SCAPER: variants seen among roughly 807,000 people sequenced by gnomAD.
The protein encoded by SCAPER is S-phase cyclin A associated protein in the ER.
A neutral mutation model predicts 182.2 loss-of-function variants in SCAPER; 98 were observed. The observed-to-expected ratio is 0.54, with a 90% CI of 0.46 to 0.64. The LOEUF is 0.64. Among genes scored for constraint, SCAPER ranks in the 30% least tolerant of loss-of-function variants. SCAPER has a pLI of 0.00. For synonymous variants in SCAPER, 605 were observed against 564.6 expected (o/e 1.07, Z -1.01); for missense variants, 1,432 against 1,690.0 (o/e 0.85, Z 2.68).
chr15:76,759,331 T>G (rs894263586), intron 14 of SCAPER, among the ~76,000 whole-genome samples: 8 of 152,244 alleles, frequency 5.3e-5, no homozygotes, highest in African/African-American at 1.7e-4. Context: ...AATATCAAGG[T>G]GGTGGCATCT....
At chr15:76,404,462 G>A (rs2044680297) in intron 27 of SCAPER, 62 bp downstream of exon 27, 3 of 1,512,526 alleles carry the variant, frequency 2.0e-6, no homozygotes, top group East Asian at 4.7e-5. Context: ...ACCCTAGAAT[G>A]GGCAAAATTC....
chr15:76,871,556 T>C (rs984077583), intron 2 of SCAPER, among the ~76,000 whole-genome samples: 51 of 151,084 alleles, frequency 3.4e-4, no homozygotes, highest in African/African-American at 1.2e-3. Flanking sequence ...CGGCTGGCGT[T>C]ATCTGTTACA....
At chr15:76,664,831 CATTG>C (rs1213810323) in intron 21 of SCAPER, among the ~76,000 whole-genome samples, 1 of 152,090 alleles carries the variant, frequency 6.6e-6, no homozygotes, top group African/African-American at 2.4e-5. Context: ...CTGAAGTTAT[CATTG>C]ATTATGTAAA....
At chr15:76,623,515 T>C (rs906597705) in intron 21 of SCAPER, among the ~76,000 whole-genome samples, 3 of 152,182 alleles carry the variant, frequency 2.0e-5, no homozygotes, top group Non-Finnish European at 4.4e-5. Context: ...CCTTTCTTCA[T>C]TGCTTATTTT....
chr15:76,445,497 G>A (rs2142752159), intron 25 of SCAPER, among the ~76,000 whole-genome samples: 1 of 152,312 alleles, frequency 6.6e-6, no homozygotes, highest in East Asian at 1.9e-4. Flanking sequence ...GGCAGGGAGT[G>A]TCACCTCATT....
chr15:76,828,806 T>G (rs2068218660), intron 5 of SCAPER, among the ~76,000 whole-genome samples: 1 of 152,212 alleles, frequency 6.6e-6, no homozygotes, highest in Non-Finnish European at 1.5e-5. Flanking sequence ...TCATGTTCTC[T>G]GTAACAAATT....
chr15:76,732,875 T>C (rs1598420327), intron 16 of SCAPER, among the ~76,000 whole-genome samples: 1 of 152,104 alleles, frequency 6.6e-6, no homozygotes, highest in African/African-American at 2.4e-5. Flanking sequence ...TCTCTCTCTC[T>C]CCTCTCTCTC....
intron 25 of SCAPER, among the ~76,000 whole-genome samples, chr15:76,457,046 T>C (rs1402629627): frequency 1.3e-5 from 2 of 152,006 alleles, no homozygotes. Context: ...TTCTGCCTTG[T>C]AACCGGAGGG....
At chr15:76,636,026 T>C (rs148563772) in intron 21 of SCAPER, among the ~76,000 whole-genome samples, 2 of 152,326 alleles carry the variant, frequency 1.3e-5, no homozygotes, top group African/African-American at 4.8e-5. Context: ...ATTTCTTGTG[T>C]TGTCTTTATG....
intron 25 of SCAPER, among the ~76,000 whole-genome samples, chr15:76,462,982 C>T (rs530764372): frequency 5.3e-5 from 8 of 152,120 alleles, no homozygotes; most frequent in Non-Finnish European, 8.8e-5. Flanking sequence ...CATCCCTCTC[C>T]TCTTTTGAAG....
intron 2 of SCAPER, 92 bp downstream of exon 2, chr15:76,883,720 G>T: frequency 9.5e-7 from 1 of 1,053,708 alleles, no homozygotes; most frequent in Non-Finnish European, 1.4e-6. Flanking sequence ...AGGGTATCTT[G>T]AATGAAACAA....
At chr15:76,673,914 T>C (rs1217082877) in intron 20 of SCAPER, among the ~76,000 whole-genome samples, 2 of 148,592 alleles carry the variant, frequency 1.3e-5, no homozygotes, top group African/African-American at 5.0e-5. Context: ...CTGAAACCCA[T>C]TAAAAACATT....
At chr15:76,826,501 A>G (rs1353119764) in intron 5 of SCAPER, among the ~76,000 whole-genome samples, 1 of 151,244 alleles carries the variant, frequency 6.6e-6, no homozygotes, top group African/African-American at 2.4e-5. Context: ...AGCATGTCAC[A>G]TGTATACATA....
intron 15 of SCAPER, among the ~76,000 whole-genome samples, chr15:76,735,025 G>GA (rs1015296766): frequency 1.6e-4 from 25 of 152,002 alleles, no homozygotes; most frequent in African/African-American, 5.3e-4. Flanking sequence ...ACTCACAAGG[G>GA]AAAGAGTATG....
At chr15:76,698,619 AG>A (rs2147222170) in intron 20 of SCAPER, among the ~76,000 whole-genome samples, 1 of 152,342 alleles carries the variant, frequency 6.6e-6, no homozygotes, top group Admixed American at 6.5e-5. Flanking sequence ...CAGTGCAAGC[AG>A]ACAGTACCAG....
chr15:76,626,145 G>C lies in SCAPER; in HGVS notation c.2646-4316C>G, dbSNP rs149508888. 2.0e-3 allele frequency among the ~76,000 whole-genome samples: 306 copies of C among 152,228 alleles called. 1 individual carries two copies. Among genetic ancestry groups the C allele is most frequent in the African/African-American group, 7.0e-3 (289 of 41,546 alleles). ...AGGTGTCTCCTGTCACTTCTCGGTT[G>C]AATGCCAATATTCTTAGATGATCTG... On this transcript the variant is annotated intron_variant, in intron 21 of 31. Transcript: ENST00000563290.
chr15:76,708,410 A>G (rs952697918), intron 17 of SCAPER, among the ~76,000 whole-genome samples: 19 of 152,126 alleles, frequency 1.2e-4, no homozygotes, highest in Admixed American at 7.9e-4. Flanking sequence ...AAGATATGCT[A>G]AGAAAAAAAG....
chr15:76,838,614 T>C (rs2069160397), intron 5 of SCAPER, among the ~76,000 whole-genome samples: 2 of 152,304 alleles, frequency 1.3e-5, no homozygotes, highest in South Asian at 4.1e-4. Flanking sequence ...AAGTCTACTG[T>C]GCTACAAAAT....
At chr15:76,634,315 C>G (rs776990104) in intron 21 of SCAPER, among the ~76,000 whole-genome samples, 1 of 152,172 alleles carries the variant, frequency 6.6e-6, no homozygotes, top group Non-Finnish European at 1.5e-5. Context: ...CCAACTGCCT[C>G]GTCAGTCCCA....
Sources: allele counts gnomAD v4.1 joint callset (sites outside exome capture counted in the v4.1 genomes callset), GRCh38; gene constraint gnomAD v4.1.1; transcripts MANE v1.5; gene names NCBI Gene and HGNC (gene_info 2026-07-23, HGNC 2026-07-21).